Variants in PPP4R1 observed in about 807,000 individuals in gnomAD.
The protein encoded by PPP4R1 is protein phosphatase 4 regulatory subunit 1, also known as serine/threonine-protein phosphatase 4 regulatory subunit 1.
Under a neutral mutation model 111.2 loss-of-function variants are expected in PPP4R1, and 42 were observed. The observed-to-expected ratio is 0.38, with a 90% CI of 0.29 to 0.49. The LOEUF (loss-of-function observed/expected upper bound fraction) is 0.49, where lower values mean the gene tolerates loss of function less well. Ranked by LOEUF, PPP4R1 falls within the 20% of genes least tolerant of loss-of-function variation. The pLI, the probability that PPP4R1 is intolerant of heterozygous loss-of-function variation, is 0.97. For missense variants in PPP4R1, 1,012 were observed against 1,161.6 expected (o/e 0.87, Z 1.87); for synonymous variants, 409 against 405.5 (o/e 1.01, Z -0.10).
At chr18:9,615,078 C>T (rs1260299790), upstream of PPP4R1, 1 of 152,372 alleles carries the variant, frequency 6.6e-6, no homozygotes, top group Non-Finnish European at 1.5e-5. Flanking sequence ...GGTCCCACCT[C>T]CTCTTGGAGG....
At chr18:9,593,341 G>A (rs1015618060) in intron 4 of PPP4R1, among the ~76,000 whole-genome samples, 2 of 152,048 alleles carry the variant, frequency 1.3e-5, no homozygotes, top group Non-Finnish European at 2.9e-5. Flanking sequence ...TCACTTTGGA[G>A]ATAAACCAGC....
intron 16 of PPP4R1, 130 bp downstream of exon 16, chr18:9,553,192 A>G (rs2066516519): frequency 1.5e-6 from 1 of 666,530 alleles, no homozygotes; most frequent in Non-Finnish European, 2.5e-6. Context: ...TATTACAGGA[A>G]GCGTTAAAGG....
In PPP4R1 at chr18:9,550,159, C is replaced by A. The variant is rs73395775; in HGVS notation, c.2440G>T (p.Ala814Ser). Residue 814 changes from alanine to serine, a missense_variant, in exon 18 of 20, where the codon GCG becomes TCG. By Grantham distance (99) the Ala-to-Ser change is moderately conservative. Coordinates refer to ENST00000400556, the MANE Select transcript of PPP4R1 (RefSeq NM_001042388.3). ...ACTCCGAACGTTGGTGGTGTTGCCG[C>A]GTGCAGCTTCTTCACCATCTCGCTG... ...LVSEMVKKLH[A>S]ATPPTFGVDL... 6.2e-7 allele frequency: 1 copy of A among 1,614,174 alleles called. No individual in the cohort carries two copies. The highest frequency in any genetic ancestry group is 1.1e-5 in the South Asian group (1 of 91,084).
intron 15 of PPP4R1, chr18:9,556,971 T>A (rs1055027668): frequency 1.2e-4 from 36 of 301,910 alleles, no homozygotes; most frequent in Admixed American, 3.1e-4. Flanking sequence ...TTTTTTAACA[T>A]ACATTTCACT....
chr18:9,548,912 C>T (rs539911564), intron 19 of PPP4R1, among the ~76,000 whole-genome samples: 7 of 152,206 alleles, frequency 4.6e-5, no homozygotes, highest in African/African-American at 7.2e-5. Context: ...GGCGAGACTC[C>T]GTCTCAAAAT....
At position 9,614,463 on chromosome 18, in the gene PPP4R1, C is replaced by G. The variant is rs2067653623; in HGVS notation, c.7+15G>C. 1.9e-6 allele frequency: 2 copies of G among 1,032,208 alleles called. No individual in the cohort carries two copies. The allele number at this position is 1,032,208 out of a possible 1,614,324, so 63.9% of individuals were successfully genotyped here. A position where few individuals can be genotyped will look rare whatever the true frequency, so the allele number is the denominator to read the frequency against. On this transcript the variant is annotated intron_variant, in intron 1 of 19. Transcript: ENST00000400556. This position sits in a 1 kb window ranked among gnomAD's most constrained non-coding sequence, Gnocchi z 4.1. ...CGAGGAGCCGCCGCCGCCCGGAGAA[C>G]AGGGGGCCACGTACCCGCCATCTTG...
rs2066416770 is a variant in PPP4R1 at position 9,547,367 on chromosome 18, T to C, written c.*422A>G. On this transcript the variant is annotated 3_prime_UTR_variant, in exon 20 of 20. Coordinates refer to ENST00000400556, the MANE Select transcript of PPP4R1 (RefSeq NM_001042388.3). The stretch of plus-strand genomic sequence containing the variant: ...AGTTAGGGCTGATACTGAAGGTCTC[T>C]TTCACATCTGGGCACACGTCTGCCT... 5.9e-6 allele frequency: 1 copy of C among 169,774 alleles called. No individual in the cohort carries two copies. Among genetic ancestry groups the C allele is most frequent in the Non-Finnish European group, 1.3e-5 (1 of 77,504 alleles). 10.5% of individuals were successfully genotyped at this position (169,774 alleles called of 1,614,324 possible).
chr18:9,563,381 A>T lies in PPP4R1; in HGVS notation c.1743T>A (p.Val581=), dbSNP rs757720195. ...AACACTTTACTGAGTTTGTTACCTC[A>T]ACAGCATCGCTGATTAAAGGCACAG... ...EDSVPLISDA[V]ENMDSTLHYI... Residue 581 remains valine, a synonymous_variant, in exon 12 of 20, where the codon GTT becomes GTA. Coordinates refer to ENST00000400556, the MANE Select transcript of PPP4R1 (RefSeq NM_001042388.3). The T allele has an allele frequency of 2.5e-6, 4 of 1,609,694 alleles. No individual in the cohort carries two copies. The highest frequency in any genetic ancestry group is 8.5e-7 in the Non-Finnish European group (1 of 1,177,820).
chr18:9,562,861 G>C (rs758798139), intron 12 of PPP4R1: 163 of 985,332 alleles, frequency 1.7e-4, no homozygotes, highest in Non-Finnish European at 1.9e-4. Flanking sequence ...GGAAATTAGG[G>C]AAGGATCATA....
chr18:9,584,576 C>T lies in PPP4R1; in HGVS notation c.698G>A (p.Cys233Tyr). ...GCAAATATCTCCAAAATTGGCAGCA[C>T]AGACCTGACAACAAAAGCATCATTG... is the stretch of plus-strand genomic sequence containing the variant. ...DCRMFHVRKV[C>Y]AANFGDICSV... The change falls in exon 8 of 20, where the codon TGT (cysteine) becomes TAT (tyrosine). Residue 233 changes from cysteine (C) to tyrosine (Y), a missense_variant. Cys to Tyr is a radical substitution (Grantham distance 194, BLOSUM62 -2). Coordinates refer to ENST00000400556, the MANE Select transcript of PPP4R1 (RefSeq NM_001042388.3). 1.2e-6 allele frequency: 2 copies of T among 1,611,714 alleles called. No homozygotes were observed. The highest frequency in any genetic ancestry group is 1.7e-6 in the Non-Finnish European group (2 of 1,179,214).
At chr18:9,563,613 G>T in intron 11 of PPP4R1, 63 bp from the exon 12 acceptor site, 1 of 1,410,262 alleles carries the variant, frequency 7.1e-7, no homozygotes, top group Non-Finnish European at 9.6e-7. Context: ...TTACAAGGCT[G>T]TTCTCCATTT....
intron 5 of PPP4R1, 133 bp downstream of exon 5, chr18:9,588,578 C>T: frequency 9.8e-7 from 1 of 1,021,002 alleles, no homozygotes; most frequent in Non-Finnish European, 1.4e-6. Flanking sequence ...AGACTCTAAA[C>T]ACATCTTGTC....
intron 18 of PPP4R1, chr18:9,549,778 CGCACATACCAGGCATGTGGTGTGGAACAA>C (rs1487630058): frequency 7.2e-6 from 4 of 557,356 alleles, no homozygotes; most frequent in African/African-American, 1.9e-5. Context: ...GAGCAGAACA[CGCACATACCAGGCATGTGGTGTGGAACAA>C]GCACATACAG....
Position 9,614,102 on chromosome 18 carries a change from C to T in PPP4R1, c.52+124G>A. The T allele has an allele frequency of 4.6e-6, 4 of 873,480 alleles. No homozygotes were observed. The highest frequency in any genetic ancestry group is 4.4e-6 in the Non-Finnish European group (3 of 674,760). The allele number at this position is 873,480 out of a possible 1,614,324, so 54.1% of individuals were successfully genotyped here. On this transcript the variant is annotated intron_variant, in intron 2 of 19. Coordinates refer to ENST00000400556, the MANE Select transcript of PPP4R1 (RefSeq NM_001042388.3). The surrounding 1 kb of genome is among the most constrained non-coding windows in gnomAD (Gnocchi z 4.1). The stretch of plus-strand genomic sequence containing the variant: ...CCCCCCCGATCGCCACCCCAGCCCG[C>T]CTGGGGCCGCCCTCGCCCACCGTCC...
At chr18:9,596,370 C>T (rs938449424) in intron 2 of PPP4R1, among the ~76,000 whole-genome samples, 1 of 152,182 alleles carries the variant, frequency 6.6e-6, no homozygotes, top group Non-Finnish European at 1.5e-5. Flanking sequence ...ACTTCCTATT[C>T]TATCCCCTGC....
chr18:9,583,339 C>T (rs1397204009), intron 8 of PPP4R1, 64 bp from the exon 9 acceptor site: 2 of 1,343,782 alleles, frequency 1.5e-6, no homozygotes, highest in South Asian at 1.6e-5. Flanking sequence ...AGTTACTTCG[C>T]TTTCATTTTC....
chr18:9,585,811 G>A (rs376881332), intron 6 of PPP4R1, among the ~76,000 whole-genome samples: 16 of 152,120 alleles, frequency 1.1e-4, no homozygotes, highest in East Asian at 5.8e-4. Context: ...ATATGAAATC[G>A]AACAAAATAC....
At chr18:9,549,832 G>T in intron 18 of PPP4R1, 1 of 628,878 alleles carries the variant, frequency 1.6e-6, no homozygotes, top group Non-Finnish European at 2.7e-6. Context: ...CACGTGGGGT[G>T]TGTGTGGTGC....
intron 11 of PPP4R1, among the ~76,000 whole-genome samples, chr18:9,566,053 G>C (rs969368950): frequency 5.3e-5 from 8 of 151,932 alleles, no homozygotes; most frequent in Non-Finnish European, 1.2e-4. Flanking sequence ...TAGAATTACA[G>C]GCATGGACCA....
Sources: gnomAD v4.1 joint callset for allele counts (sites outside exome capture counted in the v4.1 genomes callset) on GRCh38, gnomAD v4.1.1 for gene constraint, Gnocchi (gnomAD v3.1) non-coding constraint, MANE v1.5 for transcripts, NCBI Gene and HGNC (gene_info 2026-07-23, HGNC 2026-07-21) for gene names.